The following CAMKMT variants were observed in gnomAD, a reference collection of about 807,000 sequenced individuals.
CAMKMT encodes calmodulin-lysine N-methyltransferase, also known as CaM KMT.
A neutral mutation model predicts 48.0 loss-of-function variants in CAMKMT; 53 were observed. That is an observed-to-expected ratio of 1.10 (90% CI 0.89 to 1.39). The LOEUF is 1.39. Among genes scored for constraint, CAMKMT ranks in the 40% most tolerant of loss-of-function variants. The pLI, the probability that CAMKMT is intolerant of heterozygous loss-of-function variation, is 0.00. For synonymous variants in CAMKMT, 165 were observed against 152.3 expected (o/e 1.08, Z -0.61); for missense variants, 428 against 402.7 (o/e 1.06, Z -0.54).
intron 3 of CAMKMT, among the ~76,000 whole-genome samples, chr2:44,406,395 A>G (rs573816276): frequency 1.1e-4 from 17 of 152,152 alleles, no homozygotes; most frequent in African/African-American, 4.1e-4. Flanking sequence ...ATTATAAGAG[A>G]TATTCCTATT....
At chr2:44,521,570 C>T (rs532137578) in intron 3 of CAMKMT, among the ~76,000 whole-genome samples, 62 of 152,332 alleles carry the variant, frequency 4.1e-4, no homozygotes, top group African/African-American at 1.3e-3. Flanking sequence ...TGAGCCATCA[C>T]GCCCGTCTAG....
intron 2 of CAMKMT, among the ~76,000 whole-genome samples, chr2:44,388,536 C>A (rs760217866): frequency 6.6e-6 from 1 of 152,100 alleles, no homozygotes; most frequent in African/African-American, 2.4e-5. Flanking sequence ...GGTCCGGATC[C>A]GTTGCTGGTT....
chr2:44,425,912 G>T (rs1684246966), intron 3 of CAMKMT, among the ~76,000 whole-genome samples: 1 of 152,102 alleles, frequency 6.6e-6, no homozygotes, highest in South Asian at 2.1e-4. Context: ...TGTATTTTTA[G>T]TAGAGAGGTG....
intron 3 of CAMKMT, among the ~76,000 whole-genome samples, chr2:44,399,405 A>G (rs1003566972): frequency 3.3e-4 from 51 of 152,264 alleles, no homozygotes; most frequent in African/African-American, 1.1e-3. Context: ...GATGAAAACC[A>G]CAAGTTCTCC....
In CAMKMT at chr2:44,656,627, C is replaced by G. The variant is rs186478782; in HGVS notation, c.377-47656C>G. ...TCTCCATTCCACTATGACAGTCGCT[C>G]TGTTTCACTGAGCACGCTGAAACCC... On this transcript the variant is annotated intron_variant, in intron 3 of 10. Transcript: ENST00000378494. Among the ~76,000 whole-genome samples the G allele has an allele frequency of 7.9e-5, 12 of 152,270 alleles. No homozygotes were observed. The East Asian group carries it at 2.3e-3, about 29-fold the overall frequency.
intron 2 of CAMKMT, among the ~76,000 whole-genome samples, chr2:44,388,423 T>A (rs887976390): frequency 6.6e-6 from 1 of 152,168 alleles, no homozygotes; most frequent in Non-Finnish European, 1.5e-5. Context: ...ATTGTTCTTT[T>A]GGATTTGCTT....
At position 44,395,884 on chromosome 2, in the gene CAMKMT, G is replaced by A. The variant is rs576352941; in HGVS notation, c.376+5579G>A. Among the ~76,000 whole-genome samples, 544 of 152,166 alleles carry A rather than the reference G, an allele frequency of 3.6e-3. 2 individuals carry two copies. The highest frequency in any genetic ancestry group is 0.013 in the African/African-American group (525 of 41,534). ...CATTATTTTGTTATGTGAAAACAAT[G>A]TAAAGCTACACAATTAAAATAGTGT... is the stretch of plus-strand genomic sequence containing the variant. On this transcript the variant is annotated intron_variant, in intron 3 of 10. Transcript: ENST00000378494.
At chr2:44,413,150 A>G (rs1683324522) in intron 3 of CAMKMT, among the ~76,000 whole-genome samples, 1 of 152,072 alleles carries the variant, frequency 6.6e-6, no homozygotes, top group Non-Finnish European at 1.5e-5. Flanking sequence ...TATTCTGTAC[A>G]GTTCTCTGGG....
chr2:44,439,096 A>T (rs540947430), intron 3 of CAMKMT, among the ~76,000 whole-genome samples: 64 of 152,278 alleles, frequency 4.2e-4, no homozygotes, highest in Admixed American at 8.5e-4. Flanking sequence ...GTGAAAAGTA[A>T]CCATACTTTC....
intron 3 of CAMKMT, among the ~76,000 whole-genome samples, chr2:44,438,622 T>G (rs1409448517): frequency 6.6e-6 from 1 of 152,226 alleles, no homozygotes. Flanking sequence ...TCCCTACCTG[T>G]CTTCAGTTTG....
intron 3 of CAMKMT, among the ~76,000 whole-genome samples, chr2:44,650,774 G>A (rs1299301792): frequency 6.6e-6 from 1 of 151,876 alleles, no homozygotes; most frequent in Non-Finnish European, 1.5e-5. Context: ...GAATATTTGT[G>A]TGGTTATAAG....
At chr2:44,664,801 TA>T (rs1674868579) in intron 3 of CAMKMT, among the ~76,000 whole-genome samples, 1 of 152,078 alleles carries the variant, frequency 6.6e-6, no homozygotes. Flanking sequence ...GAAAGGGTTT[TA>T]AAGGAGATTT....
intron 3 of CAMKMT, among the ~76,000 whole-genome samples, chr2:44,646,897 A>T (rs1002204013): frequency 3.9e-5 from 6 of 152,174 alleles, no homozygotes; most frequent in Admixed American, 1.3e-4. Flanking sequence ...GAAGGATGAG[A>T]GCCAATGGGT....
chr2:44,625,243 A>C (rs1199533618), intron 3 of CAMKMT, among the ~76,000 whole-genome samples: 1 of 152,010 alleles, frequency 6.6e-6, no homozygotes, highest in Non-Finnish European at 1.5e-5. Flanking sequence ...TCCCCTAATG[A>C]TTGCTGATGT....
At chr2:44,595,905 G>A (rs113329057) in intron 3 of CAMKMT, among the ~76,000 whole-genome samples, 3,780 of 150,806 alleles carry the variant, frequency 0.025, 141 homozygotes, top group African/African-American at 0.081. Flanking sequence ...AACACTGCAT[G>A]TTCTCACTCG....
At chr2:44,647,331 G>C (rs559104510) in intron 3 of CAMKMT, among the ~76,000 whole-genome samples, 135 of 152,190 alleles carry the variant, frequency 8.9e-4, no homozygotes, top group Admixed American at 7.6e-3. Context: ...AAAGTGTCAC[G>C]TTGGTTTATC....
chr2:44,396,092 C>T (rs965675666), intron 3 of CAMKMT, among the ~76,000 whole-genome samples: 1 of 152,050 alleles, frequency 6.6e-6, no homozygotes, highest in East Asian at 1.9e-4. Context: ...ATAAAGCTGA[C>T]TCCCTCCTAT....
intron 3 of CAMKMT, among the ~76,000 whole-genome samples, chr2:44,658,167 G>T (rs1674476302): frequency 6.6e-6 from 1 of 152,194 alleles, no homozygotes; most frequent in South Asian, 2.1e-4. Context: ...ACTGTATTCA[G>T]GGTGATTCTA....
chr2:44,719,540 A>G (rs1300262472), intron 7 of CAMKMT, among the ~76,000 whole-genome samples: 1 of 152,196 alleles, frequency 6.6e-6, no homozygotes, highest in African/African-American at 2.4e-5. Flanking sequence ...ATTCTGCTTA[A>G]TATGTTTTTG....
Sources: allele counts gnomAD v4.1 joint callset (sites outside exome capture counted in the v4.1 genomes callset), GRCh38; gene constraint gnomAD v4.1.1; transcripts MANE v1.5; gene names NCBI Gene and HGNC (gene_info 2026-07-23, HGNC 2026-07-21).